BCAS3: variants seen among roughly 807,000 people sequenced by gnomAD.
BCAS3 encodes BCAS4/BCAS3 fusion.
In BCAS3, 53 loss-of-function variants were observed where a neutral mutation model predicts 116.1. The ratio of observed to expected loss-of-function variants is 0.46; its 90% CI spans 0.37 to 0.57. The LOEUF (loss-of-function observed/expected upper bound fraction) is 0.57, where lower values mean the gene tolerates loss of function less well. BCAS3 is among the 20% of genes least tolerant of loss of function. The pLI is 0.00. For synonymous variants in BCAS3, 391 were observed against 408.2 expected (o/e 0.96, Z 0.51); for missense variants, 917 against 1,165.4 (o/e 0.79, Z 3.10).
chr17:61,078,381 C>T lies in BCAS3; in HGVS notation c.2179C>T (p.Pro727Ser). 3 of 1,614,088 alleles carry T rather than the reference C, an allele frequency of 1.9e-6. No individual in the cohort carries two copies. Among genetic ancestry groups the T allele is most frequent in the Non-Finnish European group, 2.5e-6 (3 of 1,179,992 alleles). Residue 727 changes from proline (P) to serine (S), a missense_variant, in exon 21 of 24, where the codon CCA (proline) becomes TCA (serine). Pro to Ser is a moderately conservative substitution (Grantham distance 74, BLOSUM62 -1). Transcript: ENST00000407086. ...TGPHRRLWMG[P>S]QFQFKTIHPS... is the part of the protein sequence containing the mutation. ...ACCCCATAGACGTCTGTGGATGGGT[C>T]CACAGTTCCAGTTCAAAACCATCCA...
In BCAS3 at chr17:61,220,296, A is replaced by AAAAGAAAC. The variant is rs2082039142; in HGVS notation, c.2425+135735_2425+135736insGAAACAAA. On this transcript the variant is annotated intron_variant, in intron 22 of 23. Coordinates refer to ENST00000407086, the MANE Select transcript of BCAS3 (RefSeq NM_017679.5). This position sits in a 1 kb window ranked among gnomAD's most constrained non-coding sequence, Gnocchi z 4.5. ...GCAACAGAGTGAGACTCCATCTCAA[A>AAAAGAAAC]AAACAAACAAAAAACAAAAAAACTG... is the stretch of plus-strand genomic sequence containing the variant. 6.6e-6 allele frequency among the ~76,000 whole-genome samples: 1 copy of AAAAGAAAC among 151,702 alleles called. No individual in the cohort carries two copies.
In BCAS3 at chr17:61,006,866, A is replaced by C. The variant is rs186863829; in HGVS notation, c.1487-8885A>C. Among the ~76,000 whole-genome samples, 49 of 152,130 alleles carry C rather than the reference A, an allele frequency of 3.2e-4. 1 individual carries two copies. The East Asian group carries it at 9.5e-3, about 29-fold the overall frequency. On this transcript the variant is annotated intron_variant, in intron 15 of 23. Transcript: ENST00000407086. ...TTTACTTTCTTCCCTCTTGTGTTAA[A>C]TATAGTCTTTTTACTGTTATATTTG...
chr17:61,338,888 GAAAAAAAAAAAAAAAAAA>G (rs57701817), intron 22 of BCAS3, among the ~76,000 whole-genome samples: 1 of 67,278 alleles, frequency 1.5e-5, no homozygotes, highest in African/African-American at 4.6e-5. Flanking sequence ...CCCTTACTGG[GAAAAAAAAAAAAAAAAAA>G]AAAAAAAAAA....
At chr17:61,150,221 A>G (rs929276079) in intron 22 of BCAS3, among the ~76,000 whole-genome samples, 6 of 152,194 alleles carry the variant, frequency 3.9e-5, no homozygotes, top group African/African-American at 1.4e-4. Flanking sequence ...CTGTTTTTAC[A>G]GTATGCTCCC....
At chr17:61,357,273 TTAATTAAA>T (rs1253007096) in intron 22 of BCAS3, among the ~76,000 whole-genome samples, 2 of 147,254 alleles carry the variant, frequency 1.4e-5, no homozygotes, top group African/African-American at 5.0e-5. Flanking sequence ...AATAAATTAA[TTAATTAAA>T]TAAATAAATA....
intron 6 of BCAS3, among the ~76,000 whole-genome samples, chr17:60,753,017 A>T (rs942358852): frequency 3.0e-5 from 2 of 66,630 alleles, no homozygotes; most frequent in Non-Finnish European, 1.1e-4. Context: ...GCTAATTTTT[A>T]AATTTTTTGT....
Position 61,229,227 on chromosome 17 carries a change from C to A in BCAS3, c.2426-139100C>A, listed in dbSNP as rs1443572542. On this transcript the variant is annotated intron_variant, in intron 22 of 23. Coordinates refer to ENST00000407086, the MANE Select transcript of BCAS3 (RefSeq NM_017679.5). The surrounding 1 kb of genome is among the most constrained non-coding windows in gnomAD (Gnocchi z 4.4). Reference sequence around the variant, plus strand: ...AGCCTAATCCAGAGCAAGGCCCTACCTCTTTCAATTCTATGAAGCTGAGAG... The same window carrying A: ...AGCCTAATCCAGAGCAAGGCCCTACATCTTTCAATTCTATGAAGCTGAGAG... 3.9e-5 allele frequency among the ~76,000 whole-genome samples: 6 copies of A among 152,222 alleles called. No homozygotes were observed. The highest frequency in any genetic ancestry group is 1.4e-4 in the African/African-American group (6 of 41,460).
At chr17:60,740,701 G>A (rs1369628496) in intron 5 of BCAS3, among the ~76,000 whole-genome samples, 6 of 152,014 alleles carry the variant, frequency 3.9e-5, no homozygotes, top group Admixed American at 3.3e-4. Flanking sequence ...ATCCTCGAGT[G>A]AGACAGAAAG....
At chr17:61,046,738 C>T (rs2068392779) in intron 19 of BCAS3, among the ~76,000 whole-genome samples, 1 of 151,788 alleles carries the variant, frequency 6.6e-6, no homozygotes. Flanking sequence ...GACTGTATAA[C>T]TTTTTGGTAA....
intron 14 of BCAS3, among the ~76,000 whole-genome samples, chr17:60,988,200 G>T (rs1294531158): frequency 6.6e-6 from 1 of 150,402 alleles, no homozygotes; most frequent in African/African-American, 2.5e-5. Context: ...TTTTTTTGAT[G>T]TGTTGTTGAA....
At chr17:61,335,376 C>T (rs770650013) in intron 22 of BCAS3, among the ~76,000 whole-genome samples, 2 of 152,206 alleles carry the variant, frequency 1.3e-5, no homozygotes, top group Non-Finnish European at 2.9e-5. Flanking sequence ...CTCAGAACTA[C>T]TATTTTCTGC....
At position 61,243,578 on chromosome 17, in the gene BCAS3, A is replaced by G. The variant is rs2047695991; in HGVS notation, c.2426-124749A>G. Reference sequence around the variant, plus strand: ...AATGTCATAAGTGTGTCTCAAGAAAATATAAAGACAGTATAAGAAGACTTA... The same window carrying G: ...AATGTCATAAGTGTGTCTCAAGAAAGTATAAAGACAGTATAAGAAGACTTA... On this transcript the variant is annotated intron_variant, in intron 22 of 23. Coordinates refer to ENST00000407086, the MANE Select transcript of BCAS3 (RefSeq NM_017679.5). The surrounding 1 kb of genome is among the most constrained non-coding windows in gnomAD (Gnocchi z 5.6). Among the ~76,000 whole-genome samples, 1 of 152,148 alleles carries G rather than the reference A, an allele frequency of 6.6e-6. No individual in the cohort carries two copies. The highest frequency in any genetic ancestry group is 2.1e-4 in the South Asian group (1 of 4,824).
chr17:60,981,873 G>C (rs1489591238), intron 14 of BCAS3, among the ~76,000 whole-genome samples: 1 of 152,044 alleles, frequency 6.6e-6, no homozygotes, highest in African/African-American at 2.4e-5. Flanking sequence ...GTGATATATT[G>C]CCTCTAGGTA....
Position 61,186,322 on chromosome 17 carries a change from A to T in BCAS3, c.2425+101758A>T, listed in dbSNP as rs928090209. On this transcript the variant is annotated intron_variant, in intron 22 of 23. Coordinates refer to ENST00000407086, the MANE Select transcript of BCAS3 (RefSeq NM_017679.5). This position sits in a 1 kb window ranked among gnomAD's most constrained non-coding sequence, Gnocchi z 4.9. ...TTATTACAGTTAGTTATCCATCCCT[A>T]TATCTTAGCTGTTTTCACTAGTATA... Among the ~76,000 whole-genome samples the T allele has an allele frequency of 6.6e-6, 1 of 152,146 alleles. No individual in the cohort carries two copies. The highest frequency in any genetic ancestry group is 2.4e-5 in the African/African-American group (1 of 41,438).
At chr17:61,093,461 A>C (rs959801917) in intron 22 of BCAS3, among the ~76,000 whole-genome samples, 3 of 152,038 alleles carry the variant, frequency 2.0e-5, no homozygotes, top group Non-Finnish European at 4.4e-5. Context: ...GTGGTGCACA[A>C]CTGTTGTCCC....
chr17:60,696,323 G>A (rs2035584359), intron 4 of BCAS3: 1 of 152,288 alleles, frequency 6.6e-6, no homozygotes, highest in Admixed American at 6.6e-5. Context: ...GCTGGGCACA[G>A]TTGCATGCAC....
chr17:61,299,826 C>A (rs2053287389), intron 22 of BCAS3, among the ~76,000 whole-genome samples: 1 of 152,168 alleles, frequency 6.6e-6, no homozygotes, highest in South Asian at 2.1e-4. Flanking sequence ...GCCTTTGAGT[C>A]CCATTGTTAT....
intron 12 of BCAS3, among the ~76,000 whole-genome samples, chr17:60,922,065 ATACC>A (rs1567874230): frequency 1.3e-5 from 2 of 152,196 alleles, no homozygotes. Context: ...TAGTATATAA[ATACC>A]TAACAACACA....
At chr17:61,305,884 A>G (rs2053813812) in intron 22 of BCAS3, among the ~76,000 whole-genome samples, 1 of 152,206 alleles carries the variant, frequency 6.6e-6, no homozygotes, top group South Asian at 2.1e-4. Flanking sequence ...CAACAGAGCA[A>G]GACTCCATCT....
Sources: gnomAD v4.1 joint callset for allele counts (sites outside exome capture counted in the v4.1 genomes callset) on GRCh38, gnomAD v4.1.1 for gene constraint, Gnocchi (gnomAD v3.1) non-coding constraint, MANE v1.5 for transcripts, NCBI Gene and HGNC (gene_info 2026-07-23, HGNC 2026-07-21) for gene names.